BLK: variants seen among roughly 807,000 people sequenced by gnomAD.
The protein encoded by BLK is BLK proto-oncogene, Src family tyrosine kinase, also known as tyrosine-protein kinase Blk.
BLK carries 64 observed loss-of-function variants against 61.8 expected under a neutral mutation model. The observed-to-expected ratio is 1.03, with a 90% CI of 0.85 to 1.27. The LOEUF is 1.27. Among genes scored for constraint, BLK ranks in the 50% most tolerant of loss-of-function variants. The pLI is 0.00. For missense variants in BLK, 853 were observed against 660.5 expected, an observed-to-expected ratio of 1.29 and a Z score of -3.19; for synonymous variants, 351 against 272.0, an observed-to-expected ratio of 1.29 and a Z score of -2.86.
At position 11,514,453 on chromosome 8, in the gene BLK, G is replaced by T. The variant is rs144831397; in HGVS notation, c.-2+19862G>T. On this transcript the variant is annotated intron_variant, in intron 1 of 12. Transcript: ENST00000259089. ...CCCCGAGGGATCTGAGGCCCAGCAG[G>T]CCATCCCAGGTCTCAGAAGCCTTGT... Among the ~76,000 whole-genome samples, 1,494 of 152,350 alleles carry T rather than the reference G, an allele frequency of 9.8e-3. 8 individuals carry two copies. Among genetic ancestry groups the T allele is most frequent in the Non-Finnish European group, 0.014 (978 of 68,026 alleles).
rs764918269 is a variant in BLK at position 11,563,952 on chromosome 8, G to T, written c.1362G>T (p.Met454Ile). The change falls in exon 13 of 13, where the codon ATG (methionine) becomes ATT (isoleucine). Residue 454 changes from methionine to isoleucine, a missense_variant. By Grantham distance (10) the Met-to-Ile change is conservative (BLOSUM62 1). Transcript: ENST00000259089. ...GCAACCTGGAGCGCGGCTACCGCAT[G>T]CCGCGCCCCGACACCTGCCCGCCCG... ...VIRNLERGYR[M>I]PRPDTCPPEL... The T allele has an allele frequency of 3.1e-6, 5 of 1,607,074 alleles. No homozygotes were observed. In the African/African-American group the frequency reaches 6.7e-5, roughly 21 times the overall value.
At chr8:11,547,953 T>TTGG (rs1462930555) in intron 3 of BLK, 79 bp from the exon 4 acceptor site, 11 of 1,220,932 alleles carry the variant, frequency 9.0e-6, no homozygotes, top group Admixed American at 3.4e-5. Flanking sequence ...CCTGTCCTCC[T>TTGG]TGGTAGCCAG....
intron 1 of BLK, among the ~76,000 whole-genome samples, chr8:11,502,826 G>A (rs554217433): frequency 6.4e-4 from 97 of 152,218 alleles, no homozygotes; most frequent in African/African-American, 2.0e-3. Flanking sequence ...GCCTGACAGC[G>A]GAGGCCCAGG....
At chr8:11,522,886 A>G (rs1376355492) in intron 1 of BLK, among the ~76,000 whole-genome samples, 1 of 152,212 alleles carries the variant, frequency 6.6e-6, no homozygotes, top group Non-Finnish European at 1.5e-5. Context: ...AACACCTACT[A>G]ACTCCATGAT....
intron 1 of BLK, among the ~76,000 whole-genome samples, chr8:11,498,865 CT>C (rs1182018925): frequency 6.6e-6 from 1 of 152,198 alleles, no homozygotes; most frequent in Non-Finnish European, 1.5e-5. Flanking sequence ...GAGCACACAA[CT>C]TTTCTTACAG....
intron 1 of BLK, among the ~76,000 whole-genome samples, chr8:11,496,588 C>T (rs2618481): frequency 0.66 from 100,326 of 151,848 alleles, 35,790 homozygotes; most frequent in Non-Finnish European, 0.8. Context: ...GGCTGCAGGA[C>T]GGAATACACT....
At chr8:11,557,827 T>C in intron 9 of BLK, 135 bp from the exon 10 acceptor site, 1 of 737,358 alleles carries the variant, frequency 1.4e-6, no homozygotes, top group South Asian at 1.5e-5. Flanking sequence ...AGATCCTTCC[T>C]GATGCACCGA....
chr8:11,527,141 G>T (rs1370134556), intron 1 of BLK, among the ~76,000 whole-genome samples: 1 of 152,022 alleles, frequency 6.6e-6, no homozygotes, highest in Non-Finnish European at 1.5e-5. Flanking sequence ...TGGACGTCTA[G>T]ACAGCAATAA....
In BLK at chr8:11,555,350, G is replaced by A; in HGVS notation, c.638G>A (p.Cys213Tyr). The A allele has an allele frequency of 6.2e-7, 1 of 1,614,090 alleles. No individual in the cohort carries two copies. The highest frequency in any genetic ancestry group is 8.5e-7 in the Non-Finnish European group (1 of 1,180,020). The change falls in exon 8 of 13, where the codon TGC (cysteine) becomes TAC (tyrosine). Residue 213 changes from cysteine (C) to tyrosine (Y), a missense_variant. Coordinates refer to ENST00000259089, the MANE Select transcript of BLK (RefSeq NM_001715.3). Reference sequence around the variant, plus strand: ...AATGCAGAGAAGGGGGATGGTCTATGCCAGAGGCTGACCCTGCCCTGTGTG... The same window carrying A: ...AATGCAGAGAAGGGGGATGGTCTATACCAGAGGCTGACCCTGCCCTGTGTG... ...QHYSKKGDGLCQRLTLPCVRP... is the reference protein window; with the variant it reads ...QHYSKKGDGLYQRLTLPCVRP...
rs745832308 is a variant in BLK at position 11,543,311 on chromosome 8, C to T, written c.87C>T (p.Ser29=). The change falls in exon 2 of 13, where the codon AGC becomes AGT. Residue 29 remains serine, a synonymous_variant. Transcript: ENST00000259089. ...GCCAATGGAGCCCCCTGAAGGTCAG[C>T]GCCCAAGACAAGGACGCCCCGCCAC... is the stretch of plus-strand genomic sequence containing the variant. ...DKGQWSPLKV[S]AQDKDAPPLP... is the part of the protein sequence containing the mutation. 13 of 1,613,382 alleles carry T rather than the reference C, an allele frequency of 8.1e-6. No individual in the cohort carries two copies. Among genetic ancestry groups the T allele is most frequent in the African/African-American group, 4.0e-5 (3 of 74,916 alleles).
intron 10 of BLK, chr8:11,558,372 A>G: frequency 2.6e-6 from 1 of 383,260 alleles, no homozygotes; most frequent in Non-Finnish European, 5.1e-6. Context: ...CAAGAGTTCC[A>G]TTGAACCCGG....
rs192544586 is a variant in BLK at position 11,516,635 on chromosome 8, G to C, written c.-2+22044G>C. On this transcript the variant is annotated intron_variant, in intron 1 of 12. Coordinates refer to ENST00000259089, the MANE Select transcript of BLK (RefSeq NM_001715.3). ...CACCTGTTACTCTACCATCTGTGTCGATGAATTGGGCTACTTTAGGGACTT... is the reference window on the plus strand; with the variant it reads ...CACCTGTTACTCTACCATCTGTGTCCATGAATTGGGCTACTTTAGGGACTT... 1.3e-5 allele frequency among the ~76,000 whole-genome samples: 2 copies of C among 152,150 alleles called. 1 individual carries two copies. The highest frequency in any genetic ancestry group is 2.9e-5 in the Non-Finnish European group (2 of 68,032).
intron 1 of BLK, among the ~76,000 whole-genome samples, chr8:11,497,147 G>A (rs538032245): frequency 3.9e-5 from 6 of 152,226 alleles, no homozygotes; most frequent in Admixed American, 2.0e-4. Flanking sequence ...TGATGAAGCC[G>A]CAGGAAGACA....
Position 11,563,782 on chromosome 8 carries a change from C to T in BLK, c.1313-121C>T. ...CAACGCACGAGGCTGGAGAAGTGGT[C>T]TGGGACTGTGGGCACTGCTGTCCCT... On this transcript the variant is annotated intron_variant, in intron 12 of 12. Coordinates refer to ENST00000259089, the MANE Select transcript of BLK (RefSeq NM_001715.3). 4.2e-6 allele frequency: 4 copies of T among 952,784 alleles called. No individual in the cohort carries two copies. In the South Asian group the frequency reaches 6.4e-5, roughly 15 times the overall value. The allele number at this position is 952,784 out of a possible 1,614,324, so 59.0% of individuals were successfully genotyped here. A position where few individuals can be genotyped will look rare whatever the true frequency, so the allele number is the denominator to read the frequency against.
In BLK at chr8:11,563,898, C is replaced by G. The variant is rs754626704; in HGVS notation, c.1313-5C>G. ...CACCCCCGCTTGCGGTCTCCTCTGC[C>G]GCAGGGATGAGCAACCCCGAGGTCA... On this transcript the variant is annotated splice_polypyrimidine_tract_variant and splice_region_variant and intron_variant, in intron 12 of 12. Transcript: ENST00000259089. 28 of 1,608,358 alleles carry G rather than the reference C, an allele frequency of 1.7e-5. No individual in the cohort carries two copies. Among genetic ancestry groups the G allele is most frequent in the Non-Finnish European group, 2.4e-5 (28 of 1,179,104 alleles).
At position 11,556,780 on chromosome 8, in the gene BLK, C is replaced by A; in HGVS notation, c.895C>A (p.Leu299Ile). 6.2e-7 allele frequency: 1 copy of A among 1,614,232 alleles called. No homozygotes were observed. Among genetic ancestry groups the A allele is most frequent in the Non-Finnish European group, 8.5e-7 (1 of 1,180,044 alleles). The change falls in exon 9 of 13, where the codon CTC (leucine) becomes ATC (isoleucine). Residue 299 changes from leucine to isoleucine, a missense_variant. Physicochemically the swap from Leu to Ile is conservative, Grantham distance 5 (BLOSUM62 2). Transcript: ENST00000259089. ...KALQHERLVR[L>I]YAVVTKEPIY... Reference sequence around the variant, plus strand: ...TCTGCAGCACGAGCGGCTGGTCCGACTCTACGCAGTGGTCACCAAGGAGCC... The same window carrying A: ...TCTGCAGCACGAGCGGCTGGTCCGAATCTACGCAGTGGTCACCAAGGAGCC...
In BLK at chr8:11,558,939, C is replaced by T. The variant is rs1021050877; in HGVS notation, c.1029+901C>T. On this transcript the variant is annotated intron_variant, in intron 10 of 12. Transcript: ENST00000259089. ...AGTAGCGCCGCTGCAGGAACTGATG[C>T]CACAACGCCTTTTTCCGCTGAGGTG... The T allele has an allele frequency of 6.6e-6, 3 of 456,030 alleles. No individual in the cohort carries two copies. The Admixed American group carries it at 7.1e-5, about 11-fold the overall frequency. 28.2% of individuals were successfully genotyped at this position (456,030 alleles called of 1,614,324 possible).
chr8:11,511,478 G>C (rs765318786), intron 1 of BLK, among the ~76,000 whole-genome samples: 1 of 152,022 alleles, frequency 6.6e-6, no homozygotes, highest in South Asian at 2.1e-4. Flanking sequence ...ACAAACTCTG[G>C]CACCAGTCAG....
chr8:11,558,804 C>T (rs1360276937), intron 10 of BLK: 1 of 455,652 alleles, frequency 2.2e-6, no homozygotes, highest in African/African-American at 2.0e-5. Context: ...GCCTGTGAGG[C>T]ACACACGTGC....
Sources: gnomAD v4.1 joint callset for allele counts (sites outside exome capture counted in the v4.1 genomes callset) on GRCh38, gnomAD v4.1.1 for gene constraint, MANE v1.5 for transcripts, NCBI Gene and HGNC (gene_info 2026-07-23, HGNC 2026-07-21) for gene names.